Variants in PPP2R2A observed in about 807,000 individuals in gnomAD.
The protein encoded by PPP2R2A is serine/threonine-protein phosphatase 2A 55 kDa regulatory subunit B alpha isoform.
PPP2R2A carries 9 observed loss-of-function variants against 53.2 expected under a neutral mutation model. The ratio of observed to expected loss-of-function variants is 0.17; its 90% CI spans 0.10 to 0.30. PPP2R2A has a LOEUF of 0.30. Among genes scored for constraint, PPP2R2A ranks in the 10% least tolerant of loss-of-function variants. PPP2R2A has a pLI of 1.00. For missense variants in PPP2R2A, 235 were observed against 534.6 expected, an observed-to-expected ratio of 0.44 and a Z score of 5.53; for synonymous variants, 169 against 174.2, an observed-to-expected ratio of 0.97 and a Z score of 0.23.
At chr8:26,330,672 C>G (rs1343317906) in intron 2 of PPP2R2A, among the ~76,000 whole-genome samples, 2 of 152,026 alleles carry the variant, frequency 1.3e-5, no homozygotes, top group African/African-American at 2.4e-5. Flanking sequence ...GTTTTTGGTC[C>G]GTGTCTGCTA....
rs773446850 is a variant in PPP2R2A at position 26,370,365 on chromosome 8, C to T, written c.1296C>T (p.Ala432=). 51 of 1,614,010 alleles carry T rather than the reference C, an allele frequency of 3.2e-5. No homozygotes were observed. In the Admixed American group the frequency reaches 3.3e-4, roughly 11 times the overall value. ...TAWHPKENII[A]VATTNNLYIF... ...GGCACCCCAAGGAAAATATCATTGC[C>T]GTAGCTACTACAAACAATCTGTATA... The change falls in exon 10 of 10, where the codon GCC becomes GCT. Residue 432 remains alanine, a synonymous_variant. Transcript: ENST00000380737. The surrounding 1 kb of genome is among the most constrained non-coding windows in gnomAD (Gnocchi z 6.1).
chr8:26,292,206 C>T, intron 1 of PPP2R2A: 1 of 1,100,010 alleles, frequency 9.1e-7, no homozygotes, highest in Non-Finnish European at 1.1e-6. Context: ...TCCTGCAGGT[C>T]TTCATTTAAT....
chr8:26,358,197 A>G (rs1189903087), intron 4 of PPP2R2A, among the ~76,000 whole-genome samples: 1 of 149,924 alleles, frequency 6.7e-6, no homozygotes, highest in Non-Finnish European at 1.5e-5. Flanking sequence ...AACTAATTTT[A>G]TCTCATCTGA....
chr8:26,303,321 C>G (rs2117207464), intron 2 of PPP2R2A, among the ~76,000 whole-genome samples: 2 of 152,216 alleles, frequency 1.3e-5, no homozygotes, highest in Middle Eastern at 6.8e-3. Context: ...ACGGTTTTCC[C>G]CACAATGTCT....
chr8:26,331,635 G>A (rs746324617), intron 2 of PPP2R2A, among the ~76,000 whole-genome samples: 2 of 152,160 alleles, frequency 1.3e-5, no homozygotes, highest in Non-Finnish European at 2.9e-5. Context: ...CCAGCTTGAC[G>A]AGAGCATTTT....
chr8:26,318,902 T>C (rs933033498), intron 2 of PPP2R2A, among the ~76,000 whole-genome samples: 1 of 152,196 alleles, frequency 6.6e-6, no homozygotes, highest in Admixed American at 6.5e-5. Flanking sequence ...AAGTGTATAG[T>C]TCAGTGTCAT....
Position 26,370,654 on chromosome 8 carries a change from C to T in PPP2R2A, c.*241C>T, listed in dbSNP as rs1314847935. ...AGGGCACTTTTAATTTAAATGACTT[C>T]TTGCACCATCTTGCCTAATGGACTA... On this transcript the variant is annotated 3_prime_UTR_variant, in exon 10 of 10. Transcript: ENST00000380737. The surrounding 1 kb of genome is among the most constrained non-coding windows in gnomAD (Gnocchi z 6.1). 2 of 528,856 alleles carry T rather than the reference C, an allele frequency of 3.8e-6. No individual in the cohort carries two copies. The highest frequency in any genetic ancestry group is 6.8e-6 in the Non-Finnish European group (2 of 293,166). The allele number at this position is 528,856 out of a possible 1,614,324, so 32.8% of individuals were successfully genotyped here.
At chr8:26,293,098 TTTAGCAGCATTCA>T in intron 1 of PPP2R2A, 1 of 741,448 alleles carries the variant, frequency 1.3e-6, no homozygotes, top group Non-Finnish European at 2.1e-6. Context: ...TGACAGTCTC[TTTAGCAGCATTCA>T]TTTCGGTTTC....
At chr8:26,333,584 G>A in intron 2 of PPP2R2A, 10 of 1,108,704 alleles carry the variant, frequency 9.0e-6, no homozygotes, top group Non-Finnish European at 3.4e-6. Flanking sequence ...TTTAGAGAAT[G>A]CCAAGGCTAC....
rs1017517855 is a variant in PPP2R2A, at chr8:26,362,165, C to T, written c.638-519C>T. ...GATTAAGATTAGAAAAAGAAATTCA[C>T]GCAAGTCATGATGCATGATTGGGTA... On this transcript the variant is annotated intron_variant, in intron 6 of 9. Transcript: ENST00000380737. This position sits in a 1 kb window ranked among gnomAD's most constrained non-coding sequence, Gnocchi z 4.4. 1.2e-4 allele frequency among the ~76,000 whole-genome samples: 18 copies of T among 151,250 alleles called. No individual in the cohort carries two copies. The highest frequency in any genetic ancestry group is 2.9e-5 in the Non-Finnish European group (2 of 67,812).
Position 26,354,769 on chromosome 8 carries a change from A to T in PPP2R2A, c.346+136A>T. 1.2e-6 allele frequency: 1 copy of T among 823,142 alleles called. No homozygotes were observed. The highest frequency in any genetic ancestry group is 1.7e-6 in the Non-Finnish European group (1 of 605,796). 51.0% of individuals were successfully genotyped at this position (823,142 alleles called of 1,614,324 possible). ...TTTTTCTATACAGAATGTAAACTCT[A>T]CTTTTTTACTGTCACTTGCAGTTTT... On this transcript the variant is annotated intron_variant, in intron 4 of 9. Transcript: ENST00000380737. This position sits in a 1 kb window ranked among gnomAD's most constrained non-coding sequence, Gnocchi z 4.6.
intron 1 of PPP2R2A, chr8:26,293,444 A>G: frequency 5.7e-6 from 4 of 703,344 alleles, no homozygotes; most frequent in South Asian, 4.0e-5. Context: ...ACCACAGAAC[A>G]TGTGCCTTTA....
chr8:26,325,861 C>T (rs1803062760), intron 2 of PPP2R2A, among the ~76,000 whole-genome samples: 1 of 152,010 alleles, frequency 6.6e-6, no homozygotes, highest in South Asian at 2.1e-4. Flanking sequence ...TGAGATAGGG[C>T]CTCACCCTGT....
chr8:26,298,119 G>T (rs762236495), intron 2 of PPP2R2A, among the ~76,000 whole-genome samples: 56 of 152,220 alleles, frequency 3.7e-4, no homozygotes, highest in Non-Finnish European at 8.8e-5. Flanking sequence ...GGAGGCCCTT[G>T]TGGGCTATCT....
chr8:26,313,804 T>C (rs1802408886), intron 2 of PPP2R2A, among the ~76,000 whole-genome samples: 1 of 152,200 alleles, frequency 6.6e-6, no homozygotes, highest in Non-Finnish European at 1.5e-5. Context: ...GATTCTCCCC[T>C]TAAAGCTTCT....
Position 26,360,311 on chromosome 8 carries a change from T to TA in PPP2R2A, c.459+31dup. On this transcript the variant is annotated intron_variant, in intron 5 of 9. Coordinates refer to ENST00000380737, the MANE Select transcript of PPP2R2A (RefSeq NM_002717.4). This position sits in a 1 kb window ranked among gnomAD's most constrained non-coding sequence, Gnocchi z 4.5. ...GTACATAAGAAAAAAATGTCACAGA[T>TA]AGTGCTTGTATTCATATTATATAGC... is the stretch of plus-strand genomic sequence containing the variant. The TA allele has an allele frequency of 7.4e-7, 1 of 1,353,592 alleles. No homozygotes were observed. The highest frequency in any genetic ancestry group is 1.0e-6 in the Non-Finnish European group (1 of 959,486). 83.8% of individuals were successfully genotyped at this position (1,353,592 alleles called of 1,614,324 possible). A position where few individuals can be genotyped will look rare whatever the true frequency, so the allele number is the denominator to read the frequency against.
chr8:26,360,099 C>T lies in PPP2R2A; in HGVS notation c.347-70C>T, dbSNP rs1232812279. ...TCCTTTTACGTGAAATGTGAAATAG[C>T]ATATTTTAAATGCCTTAAAATGTTT... On this transcript the variant is annotated intron_variant, in intron 4 of 9. Transcript: ENST00000380737. The surrounding 1 kb of genome is among the most constrained non-coding windows in gnomAD (Gnocchi z 4.5). The T allele has an allele frequency of 5.4e-6, 4 of 743,362 alleles. No individual in the cohort carries two copies. The African/African-American group carries it at 7.1e-5, about 13-fold the overall frequency. 46.0% of individuals were successfully genotyped at this position (743,362 alleles called of 1,614,324 possible).
chr8:26,328,086 A>G (rs759213272), intron 2 of PPP2R2A, among the ~76,000 whole-genome samples: 2 of 152,246 alleles, frequency 1.3e-5, no homozygotes, highest in Admixed American at 1.3e-4. Flanking sequence ...AGATGCAGGC[A>G]TATGTTAAAA....
At chr8:26,320,201 C>T (rs1483025128) in intron 2 of PPP2R2A, among the ~76,000 whole-genome samples, 6 of 152,210 alleles carry the variant, frequency 3.9e-5, no homozygotes, top group South Asian at 2.1e-4. Context: ...ATGTGGTAGA[C>T]GTTATGTGGG....
Sources: gnomAD v4.1 joint callset for allele counts (sites outside exome capture counted in the v4.1 genomes callset) on GRCh38, gnomAD v4.1.1 for gene constraint, Gnocchi (gnomAD v3.1) non-coding constraint, MANE v1.5 for transcripts, NCBI Gene and HGNC (gene_info 2026-07-23, HGNC 2026-07-21) for gene names.